The following NEDD1 variants were observed in gnomAD, a reference collection of about 807,000 sequenced individuals.
NEDD1 encodes the protein protein NEDD1.
In NEDD1, 33 loss-of-function variants were observed where a neutral mutation model predicts 74.0. That is an observed-to-expected ratio of 0.45 (90% CI 0.34 to 0.60). The LOEUF (loss-of-function observed/expected upper bound fraction) is 0.60. Among genes scored for constraint, NEDD1 ranks in the 20% least tolerant of loss-of-function variants. The pLI is 0.01. For synonymous variants in NEDD1, 250 were observed against 264.4 expected, an observed-to-expected ratio of 0.95 and a Z score of 0.53; for missense variants, 746 against 776.5, an observed-to-expected ratio of 0.96 and a Z score of 0.47.
rs1344378196 is a variant in NEDD1 at position 96,953,296 on chromosome 12, A to T, written c.*1243A>T. On this transcript the variant is annotated 3_prime_UTR_variant, in exon 16 of 16. Coordinates refer to ENST00000266742, the MANE Select transcript of NEDD1 (RefSeq NM_152905.4). ...GGAAATTTTTAAGGATATATTTAAT[A>T]AGCATAAACTTACTAATAATTACTT... The T allele has an allele frequency of 1.3e-5, 2 of 151,638 alleles. No individual in the cohort carries two copies. The highest frequency in any genetic ancestry group is 3.0e-5 in the Non-Finnish European group (2 of 67,696). The allele number at this position is 151,638 out of a possible 1,614,324, so 9.4% of individuals were successfully genotyped here.
At position 96,917,757 on chromosome 12, in the gene NEDD1, T is replaced by A. The variant is rs758736290; in HGVS notation, c.348+20T>A. ...CTTAAGGTAAGCAATTTAAAAAAAA[T>A]CTTCATGAAAAAATGGATATCTTAA... On this transcript the variant is annotated intron_variant, in intron 5 of 15. Transcript: ENST00000266742. The A allele has an allele frequency of 1.9e-6, 3 of 1,540,826 alleles. No homozygotes were observed. In the African/African-American group the frequency reaches 4.3e-5, roughly 22 times the overall value.
At position 96,942,921 on chromosome 12, in the gene NEDD1, A is replaced by G. The variant is rs369948541; in HGVS notation, c.1294+297A>G. ...GGCTGGAGATATCAGTTCCATGCCA[A>G]TGAGCTTCTTTATATATGGGGCAGC... On this transcript the variant is annotated intron_variant, in intron 11 of 15. Coordinates refer to ENST00000266742, the MANE Select transcript of NEDD1 (RefSeq NM_152905.4). 7.9e-5 allele frequency among the ~76,000 whole-genome samples: 12 copies of G among 152,170 alleles called. No homozygotes were observed. In the South Asian group the frequency reaches 8.3e-4, roughly 11 times the overall value.
intron 15 of NEDD1, among the ~76,000 whole-genome samples, 186 bp from the exon 16 acceptor site, chr12:96,951,763 A>G (rs560634044): frequency 2.6e-5 from 4 of 151,882 alleles, no homozygotes; most frequent in African/African-American, 9.6e-5. Flanking sequence ...AAATTTTCCA[A>G]ATATACTAAT....
chr12:96,909,125 G>A (rs1250330891), intron 2 of NEDD1, among the ~76,000 whole-genome samples: 3 of 143,304 alleles, frequency 2.1e-5, no homozygotes, highest in Admixed American at 7.2e-5. Flanking sequence ...GTGGTGAGCC[G>A]AGATCACACC....
chr12:96,919,918 A>T, intron 5 of NEDD1, 67 bp from the exon 6 acceptor site: 1 of 1,066,456 alleles, frequency 9.4e-7, no homozygotes, highest in Non-Finnish European at 1.4e-6. Flanking sequence ...TGGTATTTAC[A>T]GAAACATGAA....
chr12:96,915,284 G>A (rs1018042256), intron 4 of NEDD1, among the ~76,000 whole-genome samples: 1 of 152,130 alleles, frequency 6.6e-6, no homozygotes, highest in African/African-American at 2.4e-5. Flanking sequence ...CTTAAAAGCC[G>A]TTGGATCCAT....
chr12:96,928,297 A>G (rs953279613), intron 6 of NEDD1, among the ~76,000 whole-genome samples: 11 of 152,100 alleles, frequency 7.2e-5, no homozygotes, highest in Admixed American at 2.6e-4. Context: ...GATGTATTTC[A>G]TTATTCAATG....
intron 4 of NEDD1, among the ~76,000 whole-genome samples, chr12:96,916,904 T>C (rs1380240860): frequency 6.6e-6 from 1 of 152,142 alleles, no homozygotes; most frequent in Non-Finnish European, 1.5e-5. Flanking sequence ...TTAGTGTTAG[T>C]AGTAGCTATA....
rs755090158 is a variant in NEDD1 at position 96,945,786 on chromosome 12, C to G, written c.1748C>G (p.Pro583Arg). 1 of 1,611,400 alleles carries G rather than the reference C, an allele frequency of 6.2e-7. No individual in the cohort carries two copies. The highest frequency in any genetic ancestry group is 8.5e-7 in the Non-Finnish European group (1 of 1,177,620). The change falls in exon 14 of 16, where the codon CCA (proline) becomes CGA (arginine). Residue 583 changes from proline to arginine, a missense_variant. Transcript: ENST00000266742. ...ATTGGAAATAACCGGCAAAATGCACCATTGACTTCCATTCAAATTCGTTTT... is the reference window on the plus strand; with the variant it reads ...ATTGGAAATAACCGGCAAAATGCACGATTGACTTCCATTCAAATTCGTTTT... ...DSIGNNRQNA[P>R]LTSIQIRFIQ...
chr12:96,936,453 AT>A (rs1877102099), intron 7 of NEDD1, among the ~76,000 whole-genome samples, 157 bp from the exon 8 acceptor site: 2 of 152,220 alleles, frequency 1.3e-5, no homozygotes, highest in Non-Finnish European at 2.9e-5. Context: ...TCTAAGTCAA[AT>A]TCTGAAATTA....
intron 6 of NEDD1, among the ~76,000 whole-genome samples, chr12:96,932,009 C>A (rs960004971): frequency 9.2e-5 from 14 of 152,162 alleles, no homozygotes; most frequent in Non-Finnish European, 1.9e-4. Flanking sequence ...CACAGCCATG[C>A]TTTTCATCTA....
chr12:96,943,742 T>G lies in NEDD1; in HGVS notation c.1477T>G (p.Ser493Ala). The G allele has an allele frequency of 6.2e-7, 1 of 1,608,524 alleles. No homozygotes were observed. The highest frequency in any genetic ancestry group is 8.5e-7 in the Non-Finnish European group (1 of 1,175,696). Residue 493 changes from serine to alanine, a missense_variant, in exon 12 of 16, where the codon TCT becomes GCT. Physicochemically the swap from Ser to Ala is moderately conservative, Grantham distance 99. Coordinates refer to ENST00000266742, the MANE Select transcript of NEDD1 (RefSeq NM_152905.4). ...SKKIYMGKQE[S>A]KDSFKQLAKL... ...GAAAATATATATGGGAAAACAGGAA[T>G]CTAAAGACTCCTTCAAACAGGTATT...
intron 14 of NEDD1, 45 bp from the exon 15 acceptor site, chr12:96,951,387 G>T: frequency 9.1e-7 from 1 of 1,099,186 alleles, no homozygotes; most frequent in South Asian, 1.4e-5. Flanking sequence ...ACCTAGAATT[G>T]GTTAAACTAT....
intron 4 of NEDD1, among the ~76,000 whole-genome samples, chr12:96,915,830 C>G (rs1383779631): frequency 6.6e-6 from 1 of 152,194 alleles, no homozygotes; most frequent in African/African-American, 2.4e-5. Flanking sequence ...AACTGACATT[C>G]TGGCGGGGGA....
intron 6 of NEDD1, among the ~76,000 whole-genome samples, chr12:96,921,772 C>G (rs1207693841): frequency 8.0e-6 from 1 of 124,990 alleles, no homozygotes; most frequent in Non-Finnish European, 1.8e-5. Flanking sequence ...GGGAGCCTGG[C>G]TAATTTTTTT....
At chr12:96,930,857 C>G (rs1876387989) in intron 6 of NEDD1, among the ~76,000 whole-genome samples, 1 of 152,146 alleles carries the variant, frequency 6.6e-6, no homozygotes, top group South Asian at 2.1e-4. Context: ...CACATGCACT[C>G]ACAGTATTGA....
In NEDD1 at chr12:96,951,960, T is replaced by C; in HGVS notation, c.1890T>C (p.His630=). Residue 630 remains histidine (H), a synonymous_variant, in exon 16 of 16, where the codon CAT becomes CAC. Coordinates refer to ENST00000266742, the MANE Select transcript of NEDD1 (RefSeq NM_152905.4). ...TCCTGTTTTTCTAGAATGAAATGCA[T>C]TCTTTGCTGGAAAGATACTCAGTGA... ...KQFHMQLNEM[H]SLLERYSVNE... 6.4e-7 allele frequency: 1 copy of C among 1,564,468 alleles called. No individual in the cohort carries two copies. The highest frequency in any genetic ancestry group is 1.4e-5 in the African/African-American group (1 of 73,994).
In NEDD1 at chr12:96,917,621, C is replaced by G; in HGVS notation, c.232C>G (p.Gln78Glu). Residue 78 changes from glutamine to glutamate, a missense_variant and splice_region_variant, in exon 5 of 16, where the codon CAA (glutamine) becomes GAA (glutamate). Around this residue, in one of 3 missense-constraint regions of NEDD1, gnomAD observed 706 missense variants for 706.7 expected, o/e 1.00. Coordinates refer to ENST00000266742, the MANE Select transcript of NEDD1 (RefSeq NM_152905.4). The stretch of plus-strand genomic sequence containing the variant: ...AACTTTTTTTTTTTTTTTTAAATAG[C>G]AAAAGCAGACATGTGTCAATTTAAA... ...PVPLLELAEG[Q>E]KQTCVNLNST... The G allele has an allele frequency of 1.4e-6, 2 of 1,462,610 alleles. No homozygotes were observed. The highest frequency in any genetic ancestry group is 1.6e-5 in the South Asian group (1 of 63,186). 90.6% of individuals were successfully genotyped at this position (1,462,610 alleles called of 1,614,324 possible). A position where few individuals can be genotyped will look rare whatever the true frequency, so the allele number is the denominator to read the frequency against.
At chr12:96,938,420 A>G (rs550343503) in intron 9 of NEDD1, among the ~76,000 whole-genome samples, 33 of 152,230 alleles carry the variant, frequency 2.2e-4, no homozygotes, top group Non-Finnish European at 8.8e-5. Context: ...TATGAAAATT[A>G]TCTTTTTTCA....
Sources: allele counts gnomAD v4.1 joint callset (sites outside exome capture counted in the v4.1 genomes callset), GRCh38; gene constraint gnomAD v4.1.1; regional missense constraint gnomAD v4.1.1; transcripts MANE v1.5; gene names NCBI Gene and HGNC (gene_info 2026-07-23, HGNC 2026-07-21).